The following EYS variants were observed in gnomAD, a reference collection of about 807,000 sequenced individuals.
EYS encodes protein eyes shut homolog.
EYS carries 250 observed loss-of-function variants against 282.1 expected under a neutral mutation model. That is an observed-to-expected ratio of 0.89 (90% CI 0.80 to 0.98). The LOEUF (loss-of-function observed/expected upper bound fraction) is 0.98, where lower values mean the gene tolerates loss of function less well. Among genes scored for constraint, EYS ranks in the 50% least tolerant of loss-of-function variants. EYS has a pLI of 0.00. For synonymous variants in EYS, 1,355 were observed against 1,282.9 expected (o/e 1.06, Z -1.20); for missense variants, 4,016 against 3,709.0 (o/e 1.08, Z -2.15).
At position 64,284,174 on chromosome 6, in the gene EYS, T is replaced by C. The variant is rs181738800; in HGVS notation, c.6191+22796A>G. 6.6e-5 allele frequency among the ~76,000 whole-genome samples: 10 copies of C among 152,314 alleles called. No homozygotes were observed. The East Asian group carries it at 1.7e-3, about 26-fold the overall frequency. On this transcript the variant is annotated intron_variant, in intron 30 of 42. Coordinates refer to ENST00000503581, the MANE Select transcript of EYS (RefSeq NM_001142800.2). ...GGCAATTCCCTTCCACTTATGAGCCTGTAAAATCAAAAGCAAGTAAGTTAC... is the reference window on the plus strand; with the variant it reads ...GGCAATTCCCTTCCACTTATGAGCCCGTAAAATCAAAAGCAAGTAAGTTAC...
At chr6:63,789,387 T>C (rs1770451814) in intron 37 of EYS, among the ~76,000 whole-genome samples, 163 bp from the exon 38 acceptor site, 1 of 152,236 alleles carries the variant, frequency 6.6e-6, no homozygotes, top group Admixed American at 6.5e-5. Context: ...TGGCTGTTGT[T>C]ATTCCCAGCC....
intron 26 of EYS, among the ~76,000 whole-genome samples, chr6:64,513,704 G>T (rs1031933550): frequency 4.6e-5 from 7 of 151,776 alleles, no homozygotes; most frequent in African/African-American, 1.7e-4. Context: ...GATATAGAGT[G>T]CAAAATGTGA....
chr6:64,371,656 T>A (rs561941486), intron 29 of EYS, among the ~76,000 whole-genome samples: 1 of 152,150 alleles, frequency 6.6e-6, no homozygotes, highest in Non-Finnish European at 1.5e-5. Context: ...AAGTCTCTTT[T>A]TAGGTCTCTA....
At chr6:65,201,970 G>A (rs185053429) in intron 12 of EYS, among the ~76,000 whole-genome samples, 16 of 152,066 alleles carry the variant, frequency 1.1e-4, no homozygotes, top group Admixed American at 2.0e-4. Flanking sequence ...AAATAAGCTG[G>A]GCGTGGTGAC....
intron 22 of EYS, among the ~76,000 whole-genome samples, chr6:64,743,673 T>G (rs564242345): frequency 6.6e-6 from 1 of 152,266 alleles, no homozygotes; most frequent in South Asian, 2.1e-4. Flanking sequence ...GTGTTATAAA[T>G]TCATTGATTT....
At chr6:65,683,848 C>T (rs897779497) in intron 1 of EYS, among the ~76,000 whole-genome samples, 1 of 151,958 alleles carries the variant, frequency 6.6e-6, no homozygotes, top group African/African-American at 2.4e-5. Flanking sequence ...GTATCCACTC[C>T]CTCTCTCAAC....
intron 29 of EYS, among the ~76,000 whole-genome samples, chr6:64,358,570 C>T (rs1771906949): frequency 1.3e-5 from 2 of 151,536 alleles, no homozygotes; most frequent in Admixed American, 6.6e-5. Flanking sequence ...TCTATGTTAG[C>T]CATGAATGAG....
intron 28 of EYS, among the ~76,000 whole-genome samples, chr6:64,392,501 A>T (rs1773191368): frequency 6.6e-6 from 1 of 151,770 alleles, no homozygotes; most frequent in Middle Eastern, 3.2e-3. Context: ...CTACATGGAA[A>T]CTGAACAACC....
intron 18 of EYS, among the ~76,000 whole-genome samples, chr6:64,891,343 G>T (rs1359700239): frequency 6.6e-6 from 1 of 151,966 alleles, no homozygotes; most frequent in Non-Finnish European, 1.5e-5. Flanking sequence ...TGCTTTCCCA[G>T]AAAAATTTAA....
intron 29 of EYS, among the ~76,000 whole-genome samples, chr6:64,308,812 GAAAAT>G (rs1170991447): frequency 6.6e-6 from 1 of 151,888 alleles, no homozygotes; most frequent in Non-Finnish European, 1.5e-5. Flanking sequence ...GACTGAACTA[GAAAAT>G]AAAACAATAT....
chr6:65,298,673 A>G (rs929695070), intron 11 of EYS, among the ~76,000 whole-genome samples: 1 of 151,600 alleles, frequency 6.6e-6, no homozygotes, highest in Non-Finnish European at 1.5e-5. Flanking sequence ...ATTGTTTAGC[A>G]TTACCATTTC....
Position 64,841,547 on chromosome 6 carries a change from G to A in EYS, c.2993-18725C>T, listed in dbSNP as rs1169933353. On this transcript the variant is annotated intron_variant, in intron 19 of 42. Coordinates refer to ENST00000503581, the MANE Select transcript of EYS (RefSeq NM_001142800.2). The stretch of plus-strand genomic sequence containing the variant: ...AGTTCTTGGTCAACAAATTTTAAAA[G>A]GCTGATGTAAAGATAATGTAAGTAT... Among the ~76,000 whole-genome samples the A allele has an allele frequency of 2.0e-5, 3 of 152,104 alleles. No individual in the cohort carries two copies. In the East Asian group the frequency reaches 5.8e-4, roughly 29 times the overall value.
At chr6:65,647,533 T>G (rs996730200) in intron 1 of EYS, among the ~76,000 whole-genome samples, 1 of 152,170 alleles carries the variant, frequency 6.6e-6, no homozygotes, top group Non-Finnish European at 1.5e-5. Context: ...CATCAAAGTC[T>G]TAAATGTAAG....
At chr6:65,178,155 G>A (rs1469330630) in intron 12 of EYS, among the ~76,000 whole-genome samples, 1 of 151,836 alleles carries the variant, frequency 6.6e-6, no homozygotes, top group Non-Finnish European at 1.5e-5. Flanking sequence ...ATGCACCCAA[G>A]CATCTTGTCT....
intron 14 of EYS, among the ~76,000 whole-genome samples, chr6:64,972,017 G>A (rs573943661): frequency 2.2e-4 from 33 of 152,080 alleles, no homozygotes; most frequent in Non-Finnish European, 2.9e-5. Context: ...AAAGAATAAA[G>A]AAAAAACATG....
chr6:65,529,449 G>A (rs1234740739), intron 2 of EYS, among the ~76,000 whole-genome samples: 1 of 152,148 alleles, frequency 6.6e-6, no homozygotes, highest in Non-Finnish European at 1.5e-5. Flanking sequence ...AAGTACAGGA[G>A]AACTAAAATC....
intron 23 of EYS, among the ~76,000 whole-genome samples, chr6:64,619,575 T>G (rs1767380697): frequency 6.6e-6 from 1 of 152,216 alleles, no homozygotes; most frequent in Non-Finnish European, 1.5e-5. Context: ...AAGTTAGGCT[T>G]CTACTCTCCC....
chr6:64,277,468 A>G (rs1428120436), intron 30 of EYS, among the ~76,000 whole-genome samples: 1 of 152,144 alleles, frequency 6.6e-6, no homozygotes, highest in Non-Finnish European at 1.5e-5. Context: ...AAAAGCACAG[A>G]AAGAACTGAG....
chr6:64,764,280 A>AT, intron 22 of EYS, among the ~76,000 whole-genome samples: 1 of 152,236 alleles, frequency 6.6e-6, no homozygotes, highest in Non-Finnish European at 1.5e-5. Context: ...ATCTTCTGAA[A>AT]TCTAGGCAGG....
Sources: gnomAD v4.1 joint callset for allele counts (sites outside exome capture counted in the v4.1 genomes callset) on GRCh38, gnomAD v4.1.1 for gene constraint, MANE v1.5 for transcripts, NCBI Gene and HGNC (gene_info 2026-07-23, HGNC 2026-07-21) for gene names.